Variants in FANK1 observed in about 807,000 individuals in gnomAD.
The protein encoded by FANK1 is fibronectin type 3 and ankyrin repeat domains protein 1.
FANK1 carries 44 observed loss-of-function variants against 45.3 expected under a neutral mutation model. The ratio of observed to expected loss-of-function variants is 0.97; its 90% confidence interval spans 0.76 to 1.25. The LOEUF is 1.25. Ranked by LOEUF, FANK1 falls within the 50% of genes most tolerant of loss-of-function variation. The probability of loss-of-function intolerance (pLI) is 0.00; values close to 1 mark genes in which losing one functional copy is unlikely to be tolerated. For synonymous variants in FANK1, 149 were observed against 152.5 expected (o/e 0.98, Z 0.17); for missense variants, 391 against 424.4 (o/e 0.92, Z 0.69).
At chr10:125,988,408 C>T (rs1951706874) in intron 2 of FANK1, 143 bp from the exon 3 acceptor site, 2 of 1,155,820 alleles carry the variant, frequency 1.7e-6, no homozygotes, top group Admixed American at 2.2e-5. Flanking sequence ...CCTTCATTCT[C>T]TCGGAGTTCA....
At chr10:125,951,780 G>A (rs900578025) in intron 1 of FANK1, among the ~76,000 whole-genome samples, 3 of 151,942 alleles carry the variant, frequency 2.0e-5, no homozygotes, top group Non-Finnish European at 2.9e-5. Flanking sequence ...GATACCTTCC[G>A]TTGAGTTTAA....
chr10:125,941,900 TG>T (rs761443618), intron 1 of FANK1, among the ~76,000 whole-genome samples: 31 of 152,332 alleles, frequency 2.0e-4, no homozygotes, highest in Admixed American at 1.4e-3. Flanking sequence ...ATAGGGATAA[TG>T]TATGCAAAAC....
At chr10:125,959,267 C>T (rs376613350) in intron 1 of FANK1, among the ~76,000 whole-genome samples, 3 of 151,592 alleles carry the variant, frequency 2.0e-5, no homozygotes, top group South Asian at 4.2e-4. Context: ...ATTAGCTGGG[C>T]GTTGTGGCAT....
At chr10:126,004,121 C>T (rs1175374908) in intron 6 of FANK1, 1 of 147,308 alleles carries the variant, frequency 6.8e-6, no homozygotes, top group Non-Finnish European at 1.5e-5. Context: ...TGAAAAACAG[C>T]TTCCCCCCAC....
At chr10:125,948,654 A>G (rs892219954) in intron 1 of FANK1, among the ~76,000 whole-genome samples, 8 of 152,240 alleles carry the variant, frequency 5.3e-5, no homozygotes, top group African/African-American at 1.9e-4. Flanking sequence ...CCAGGACCAG[A>G]TGGATTCACA....
At chr10:125,950,927 G>C (rs1039372921) in intron 1 of FANK1, among the ~76,000 whole-genome samples, 3 of 151,172 alleles carry the variant, frequency 2.0e-5, no homozygotes, top group African/African-American at 4.9e-5. Context: ...AAAATGATGA[G>C]TTCGCGTCCT....
At chr10:125,898,017 A>AGAAAAG in intron 1 of FANK1, among the ~76,000 whole-genome samples, 2 of 132,906 alleles carry the variant, frequency 1.5e-5, no homozygotes, top group Non-Finnish European at 3.2e-5. Context: ...AAAAAAAAAA[A>AGAAAAG]AAAAAAAAAA....
At chr10:125,948,716 T>A (rs1948989341) in intron 1 of FANK1, among the ~76,000 whole-genome samples, 2 of 152,174 alleles carry the variant, frequency 1.3e-5, no homozygotes, top group African/African-American at 4.8e-5. Context: ...CCATTCCTTC[T>A]GAAACTATTC....
At chr10:125,943,063 C>T (rs1028601603) in intron 1 of FANK1, among the ~76,000 whole-genome samples, 38 of 152,076 alleles carry the variant, frequency 2.5e-4, no homozygotes, top group Non-Finnish European at 2.4e-4. Context: ...CTGCCCACTG[C>T]GGCTTCCCAA....
intron 1 of FANK1, chr10:125,979,927 T>C: frequency 6.4e-6 from 4 of 626,564 alleles, no homozygotes; most frequent in Non-Finnish European, 1.2e-5. Context: ...TGGTATGATA[T>C]TGATGGGCAT....
intron 1 of FANK1, among the ~76,000 whole-genome samples, chr10:125,927,707 C>T (rs775734102): frequency 1.3e-5 from 2 of 152,114 alleles, no homozygotes; most frequent in African/African-American, 4.8e-5. Flanking sequence ...CCCACCACCA[C>T]GCTTGGCTAA....
intron 1 of FANK1, among the ~76,000 whole-genome samples, chr10:125,923,934 G>A (rs1947130659): frequency 6.6e-6 from 1 of 151,810 alleles, no homozygotes; most frequent in African/African-American, 2.4e-5. Flanking sequence ...AAAGGTCTGT[G>A]AATTTTATAA....
chr10:125,946,937 G>A (rs1948843263), intron 1 of FANK1, among the ~76,000 whole-genome samples: 1 of 148,878 alleles, frequency 6.7e-6, no homozygotes, highest in Admixed American at 6.7e-5. Flanking sequence ...CTACAAGCCA[G>A]AAGAGAGTGG....
intron 1 of FANK1, among the ~76,000 whole-genome samples, chr10:125,968,865 T>C (rs1950325229): frequency 6.6e-6 from 1 of 152,208 alleles, no homozygotes; most frequent in Non-Finnish European, 1.5e-5. Flanking sequence ...ACTTGAGCCA[T>C]GTTTTATGCC....
chr10:125,959,268 G>T (rs1045120555), intron 1 of FANK1, among the ~76,000 whole-genome samples: 1 of 151,812 alleles, frequency 6.6e-6, no homozygotes, highest in Non-Finnish European at 1.5e-5. Context: ...TTAGCTGGGC[G>T]TTGTGGCATG....
chr10:125,942,350 C>A (rs1189269033), intron 1 of FANK1, among the ~76,000 whole-genome samples: 1 of 152,156 alleles, frequency 6.6e-6, no homozygotes, highest in Non-Finnish European at 1.5e-5. Flanking sequence ...ACGTAACAAA[C>A]CTGCACGTCC....
chr10:125,985,272 C>A (rs1310135779), intron 2 of FANK1, among the ~76,000 whole-genome samples: 4 of 152,220 alleles, frequency 2.6e-5, no homozygotes, highest in Non-Finnish European at 5.9e-5. Flanking sequence ...CTATTATATT[C>A]TCACTGAACT....
At chr10:125,903,386 A>T (rs1301759443) in intron 1 of FANK1, among the ~76,000 whole-genome samples, 1 of 152,272 alleles carries the variant, frequency 6.6e-6, no homozygotes, top group Non-Finnish European at 1.5e-5. Context: ...GGGAGGCTGG[A>T]AGAAGGGAGG....
At chr10:125,991,957 T>C (rs1392506367) in intron 3 of FANK1, among the ~76,000 whole-genome samples, 1 of 152,188 alleles carries the variant, frequency 6.6e-6, no homozygotes, top group Non-Finnish European at 1.5e-5. Flanking sequence ...CACCTGGCCC[T>C]GACTGGTGAG....
Sources: gnomAD v4.1 joint callset for allele counts (sites outside exome capture counted in the v4.1 genomes callset) on GRCh38, gnomAD v4.1.1 for gene constraint, MANE v1.5 for transcripts, NCBI Gene and HGNC (gene_info 2026-07-23, HGNC 2026-07-21) for gene names.